The following DDAH1 variants were observed in gnomAD, a reference collection of about 807,000 sequenced individuals.
DDAH1 encodes the protein dimethylarginine dimethylaminohydrolase 1.
DDAH1 carries 19 observed loss-of-function variants against 28.8 expected under a neutral mutation model. The observed-to-expected ratio is 0.66, with a 90% CI of 0.46 to 0.97. DDAH1 has a LOEUF of 0.97. Among genes scored for constraint, DDAH1 ranks in the 50% least tolerant of loss-of-function variants. The pLI is 0.00. For synonymous variants in DDAH1, 153 were observed against 154.4 expected (o/e 0.99, Z 0.07); for missense variants, 326 against 375.9 (o/e 0.87, Z 1.10).
intron 1 of DDAH1, among the ~76,000 whole-genome samples, chr1:85,546,723 G>A (rs919985506): frequency 2.0e-5 from 3 of 151,950 alleles, no homozygotes; most frequent in African/African-American, 7.3e-5. Context: ...GGGAGAAAAT[G>A]GTCTTTCTGT....
chr1:85,556,083 C>CCTCCTCCTCCTTCTCCTCCTCCTT (rs71075844), intron 1 of DDAH1, among the ~76,000 whole-genome samples: 114 of 148,106 alleles, frequency 7.7e-4, no homozygotes, highest in Non-Finnish European at 1.1e-3. Flanking sequence ...GCCGCCGCCT[C>CCTCCTCCTCCTTCTCCTCCTCCTT]CTCCTCCTCC....
rs564489220 is a variant in DDAH1, at chr1:85,425,813, T to C, written c.303+38930A>G. Among the ~76,000 whole-genome samples, 111 of 152,332 alleles carry C rather than the reference T, an allele frequency of 7.3e-4. 1 individual carries two copies. In the Middle Eastern group the frequency reaches 0.01, roughly 14 times the overall value. ...TCTGAGTTCAAATCTTGTACCCACC[T>C]TGTATTAGCTGAGTGACTTTGGTTA... is the stretch of plus-strand genomic sequence containing the variant. On this transcript the variant is annotated intron_variant, in intron 1 of 5. Coordinates refer to ENST00000284031, the MANE Select transcript of DDAH1 (RefSeq NM_012137.4).
intron 1 of DDAH1, among the ~76,000 whole-genome samples, chr1:85,557,333 A>G (rs76548961): frequency 0.058 from 8,903 of 152,294 alleles, 484 homozygotes; most frequent in Admixed American, 0.16. Flanking sequence ...GTGTATGGCT[A>G]TGTGACATGC....
rs1032194860 is a variant in DDAH1, at chr1:85,465,075, C to A, written c.-30G>T. 6 of 1,220,394 alleles carry A rather than the reference C, an allele frequency of 4.9e-6. No homozygotes were observed. The African/African-American group carries it at 9.4e-5, about 19-fold the overall frequency. The allele number at this position is 1,220,394 out of a possible 1,614,324, so 75.6% of individuals were successfully genotyped here. On this transcript the variant is annotated 5_prime_UTR_variant, in exon 1 of 6. Transcript: ENST00000284031. ...TCGGGAGGCTTAGGGGCGGCGGCGG[C>A]GGCGGAGGCGGCCGGGTCCTGCCGC...
chr1:85,487,788 A>G (rs1656255024), intron 2 of DDAH1, among the ~76,000 whole-genome samples: 1 of 152,152 alleles, frequency 6.6e-6, no homozygotes. Flanking sequence ...ACATATATGC[A>G]AGCCAGTACA....
intron 1 of DDAH1, among the ~76,000 whole-genome samples, chr1:85,406,038 A>G (rs1570497646): frequency 6.6e-6 from 1 of 152,314 alleles, no homozygotes; most frequent in East Asian, 1.9e-4. Flanking sequence ...GCTACCTACC[A>G]TGTTTCCTCA....
chr1:85,337,830 C>T (rs1046822058), intron 4 of DDAH1, among the ~76,000 whole-genome samples: 3 of 152,204 alleles, frequency 2.0e-5, no homozygotes, highest in Non-Finnish European at 4.4e-5. Flanking sequence ...CCTAAAGTCT[C>T]CTGATGCAAT....
chr1:85,519,049 A>C (rs1657573835), intron 1 of DDAH1, among the ~76,000 whole-genome samples: 1 of 142,582 alleles, frequency 7.0e-6, no homozygotes, highest in Non-Finnish European at 1.5e-5. Flanking sequence ...TAGTATAACC[A>C]TTTTTCTATA....
intron 1 of DDAH1, among the ~76,000 whole-genome samples, chr1:85,405,315 A>C (rs1446398570): frequency 6.6e-6 from 1 of 152,250 alleles, no homozygotes; most frequent in East Asian, 1.9e-4. Flanking sequence ...GAAATAGTCA[A>C]GCATCTGAGG....
chr1:85,327,956 T>G (rs1647515938), intron 4 of DDAH1, among the ~76,000 whole-genome samples: 1 of 152,178 alleles, frequency 6.6e-6, no homozygotes, highest in Admixed American at 6.5e-5. Flanking sequence ...TTTCACCTTT[T>G]TAAACGCTAC....
rs145062287 is a variant in DDAH1 at position 85,358,767 on chromosome 1, G to C, written c.384C>G (p.Gly128=). The change falls in exon 2 of 6, where the codon GGC becomes GGG. Residue 128 remains glycine, a synonymous_variant. Coordinates refer to ENST00000284031, the MANE Select transcript of DDAH1 (RefSeq NM_012137.4). ...CTATACCTGTGAATAAAACATCTCC[G>C]CCATCTAAAGTTGCATTTTCATCTT... is the stretch of plus-strand genomic sequence containing the variant. ...EMKDENATLD[G]GDVLFTGREF... is the part of the protein sequence containing the mutation. The C allele has an allele frequency of 6.2e-7, 1 of 1,608,462 alleles. No individual in the cohort carries two copies. The highest frequency in any genetic ancestry group is 8.5e-7 in the Non-Finnish European group (1 of 1,176,494).
At chr1:85,471,221 GCC>G (rs1655607131) in intron 2 of DDAH1, among the ~76,000 whole-genome samples, 1 of 152,168 alleles carries the variant, frequency 6.6e-6, no homozygotes, top group African/African-American at 2.4e-5. Context: ...TCTGCTGGCG[GCC>G]CCTATTCTAT....
intron 2 of DDAH1, among the ~76,000 whole-genome samples, chr1:85,483,810 T>C (rs1042656302): frequency 6.6e-6 from 1 of 152,178 alleles, no homozygotes; most frequent in Non-Finnish European, 1.5e-5. Flanking sequence ...TTCTGTTATC[T>C]AGTCTCAACT....
chr1:85,332,810 G>A (rs557802744), intron 4 of DDAH1, among the ~76,000 whole-genome samples: 43 of 152,308 alleles, frequency 2.8e-4, no homozygotes, highest in African/African-American at 7.7e-4. Flanking sequence ...AATACTCCTG[G>A]AACTTGAGAA....
At chr1:85,339,553 G>A (rs956232852) in intron 4 of DDAH1, among the ~76,000 whole-genome samples, 4 of 152,172 alleles carry the variant, frequency 2.6e-5, no homozygotes, top group Non-Finnish European at 5.9e-5. Flanking sequence ...CAGGGCAATG[G>A]TAGTGGGATG....
At chr1:85,461,629 G>A (rs1655130045) in intron 1 of DDAH1, among the ~76,000 whole-genome samples, 1 of 152,180 alleles carries the variant, frequency 6.6e-6, no homozygotes, top group African/African-American at 2.4e-5. Context: ...TAAGGAGGGA[G>A]AATTAAGGTT....
At chr1:85,563,307 G>C (rs998916007) in intron 1 of DDAH1, among the ~76,000 whole-genome samples, 1 of 152,194 alleles carries the variant, frequency 6.6e-6, no homozygotes, top group Admixed American at 6.5e-5. Context: ...AATTATCCCA[G>C]GCTGGGGAAA....
chr1:85,455,128 T>C (rs147652900), intron 1 of DDAH1, among the ~76,000 whole-genome samples: 386 of 152,318 alleles, frequency 2.5e-3, no homozygotes, highest in Non-Finnish European at 4.2e-3. Flanking sequence ...TCTAAATCTC[T>C]TCACACAAAA....
upstream of DDAH1, among the ~76,000 whole-genome samples, chr1:85,466,599 G>A (rs572858026): frequency 8.1e-4 from 123 of 152,174 alleles, no homozygotes; most frequent in African/African-American, 2.9e-3. Flanking sequence ...TGGGAAGTGG[G>A]ACCAAAAGTA....
Sources: allele counts gnomAD v4.1 joint callset (sites outside exome capture counted in the v4.1 genomes callset), GRCh38; gene constraint gnomAD v4.1.1; transcripts MANE v1.5; gene names NCBI Gene and HGNC (gene_info 2026-07-23, HGNC 2026-07-21).